SV2C: variants seen among roughly 807,000 people sequenced by gnomAD.
The protein encoded by SV2C is synaptic vesicle glycoprotein 2C.
Under a neutral mutation model 79.7 loss-of-function variants are expected in SV2C, and 49 were observed. The observed-to-expected ratio is 0.61, with a 90% CI of 0.49 to 0.78. The LOEUF (loss-of-function observed/expected upper bound fraction) is 0.78, where lower values mean the gene tolerates loss of function less well. Among genes scored for constraint, SV2C ranks in the 30% least tolerant of loss-of-function variants. The probability of loss-of-function intolerance (pLI) is 0.00; values close to 1 mark genes in which losing one functional copy is unlikely to be tolerated. For missense variants in SV2C, 833 were observed against 912.9 expected (o/e 0.91, Z 1.13); for synonymous variants, 334 against 333.2 (o/e 1.00, Z -0.03).
the SV2C span, among the ~76,000 whole-genome samples, chr5:76,041,800 T>A: frequency 6.6e-6 from 1 of 152,196 alleles, no homozygotes; most frequent in Non-Finnish European, 1.5e-5. Context: ...ATTCAGCCAA[T>A]CTGGCTCTCT....
chr5:76,199,263 T>A (rs1030974444), intron 3 of SV2C, among the ~76,000 whole-genome samples: 5 of 152,206 alleles, frequency 3.3e-5, no homozygotes. Context: ...CAACCATATC[T>A]GGTCCAGTTT....
In SV2C at chr5:76,301,429, G is replaced by T. The variant is rs757781502; in HGVS notation, c.1884G>T (p.Trp628Cys). 1.2e-6 allele frequency: 2 copies of T among 1,613,870 alleles called. No homozygotes were observed. Among genetic ancestry groups the T allele is most frequent in the African/African-American group, 2.7e-5 (2 of 74,884 alleles). The change falls in exon 12 of 13, where the codon TGG (tryptophan) becomes TGT (cysteine). Residue 628 changes from tryptophan (W) to cysteine (C), a missense_variant. By Grantham distance (215) the Trp-to-Cys change is radical. Transcript: ENST00000502798. ...VLSGISCFFL[W>C]FGTSESMMIG... Reference sequence around the variant, plus strand: ...CGGGGATCAGCTGTTTCTTCCTTTGGTTCGGCACCAGTGAATCCATGATGA... The same window carrying T: ...CGGGGATCAGCTGTTTCTTCCTTTGTTTCGGCACCAGTGAATCCATGATGA...
At chr5:76,015,817 T>C in the SV2C span, among the ~76,000 whole-genome samples, 111 of 152,266 alleles carry the variant, frequency 7.3e-4, no homozygotes, top group African/African-American at 2.5e-3. Flanking sequence ...TTTTAATAAT[T>C]ACTTTTACAG....
the SV2C span, among the ~76,000 whole-genome samples, chr5:75,888,772 CA>C: frequency 2.0e-5 from 3 of 152,030 alleles, no homozygotes; most frequent in Admixed American, 6.6e-5. Flanking sequence ...CTGTAAATGC[CA>C]GGGGGGTGGC....
intron 12 of SV2C, among the ~76,000 whole-genome samples, chr5:76,317,591 A>C (rs1020339826): frequency 6.6e-6 from 1 of 152,138 alleles, no homozygotes; most frequent in African/African-American, 2.4e-5. Context: ...ACACTTTGGG[A>C]GGCCGAGGTG....
intron 2 of SV2C, among the ~76,000 whole-genome samples, chr5:76,192,354 A>G (rs773174990): frequency 6.4e-4 from 97 of 152,182 alleles, no homozygotes; most frequent in Non-Finnish European, 2.2e-4. Flanking sequence ...AGGATCTAAA[A>G]GACCTGATTT....
the SV2C span, among the ~76,000 whole-genome samples, chr5:75,986,484 A>G: frequency 0.28 from 42,326 of 151,788 alleles, 7,030 homozygotes; most frequent in Middle Eastern, 0.41. Context: ...AGCCCTGCCA[A>G]TATCTTGACA....
the SV2C span, among the ~76,000 whole-genome samples, chr5:75,940,716 T>C: frequency 7.2e-5 from 11 of 152,220 alleles, no homozygotes; most frequent in Non-Finnish European, 1.2e-4. Context: ...CAAATGATCC[T>C]AACAGTAGTT....
chr5:76,050,632 AG>A, the SV2C span, among the ~76,000 whole-genome samples: 3,484 of 152,054 alleles, frequency 0.023, 113 homozygotes, highest in African/African-American at 0.075. Flanking sequence ...CTACCACCTT[AG>A]TACTCTCTAC....
chr5:76,026,953 T>G, the SV2C span, among the ~76,000 whole-genome samples: 1 of 152,128 alleles, frequency 6.6e-6, no homozygotes, highest in Non-Finnish European at 1.5e-5. Context: ...CTTTTTAGAC[T>G]TTTCCTATTT....
chr5:76,139,514 A>G (rs558026140), intron 2 of SV2C, among the ~76,000 whole-genome samples: 4 of 152,216 alleles, frequency 2.6e-5, no homozygotes, highest in Admixed American at 6.5e-5. Flanking sequence ...GTTTTTTTCT[A>G]TCAGTCGTGG....
the SV2C span, among the ~76,000 whole-genome samples, chr5:75,932,981 T>A: frequency 6.6e-6 from 1 of 152,216 alleles, no homozygotes; most frequent in African/African-American, 2.4e-5. Context: ...TCTGGCTCCA[T>A]CCTGTGTCAC....
chr5:76,255,360 A>T (rs1746232877), intron 4 of SV2C, among the ~76,000 whole-genome samples: 1 of 152,194 alleles, frequency 6.6e-6, no homozygotes, highest in South Asian at 2.1e-4. Context: ...TGGAGACAGG[A>T]TCAGCCGGTC....
chr5:76,047,254 T>A, the SV2C span, among the ~76,000 whole-genome samples: 3 of 152,206 alleles, frequency 2.0e-5, no homozygotes, highest in Admixed American at 1.3e-4. Flanking sequence ...CCTCTTCCAG[T>A]CACTGTTTCC....
chr5:75,940,247 C>T, the SV2C span, among the ~76,000 whole-genome samples: 3 of 151,992 alleles, frequency 2.0e-5, no homozygotes, highest in Non-Finnish European at 4.4e-5. Context: ...ACCTGTAGTC[C>T]GGGCTACTTG....
At chr5:75,978,698 AAC>A in the SV2C span, among the ~76,000 whole-genome samples, 2 of 152,224 alleles carry the variant, frequency 1.3e-5, no homozygotes, top group African/African-American at 4.8e-5. Flanking sequence ...TACCACACAC[AAC>A]ACACTGCAAC....
chr5:76,078,674 A>C, upstream of SV2C: 1 of 462,464 alleles, frequency 2.2e-6, no homozygotes, highest in Admixed American at 2.7e-5. Flanking sequence ...CTGTCACAGC[A>C]GCATGGCACA....
chr5:76,242,054 C>G (rs1461117802), intron 4 of SV2C: 1 of 1,463,728 alleles, frequency 6.8e-7, no homozygotes, highest in African/African-American at 1.4e-5. Context: ...CTTCAGCTTT[C>G]TGCGCCTGGT....
At chr5:75,884,798 TAAAA>T in the SV2C span, among the ~76,000 whole-genome samples, 1 of 150,792 alleles carries the variant, frequency 6.6e-6, no homozygotes, top group South Asian at 2.1e-4. Flanking sequence ...CAATTATAAA[TAAAA>T]AATTAATAAT....
Sources: gnomAD v4.1 joint callset for allele counts (sites outside exome capture counted in the v4.1 genomes callset) on GRCh38, gnomAD v4.1.1 for gene constraint, MANE v1.5 for transcripts, NCBI Gene and HGNC (gene_info 2026-07-23, HGNC 2026-07-21) for gene names.